Variants in PSMD3 observed in about 807,000 individuals in gnomAD.
The protein encoded by PSMD3 is 26S proteasome non-ATPase regulatory subunit 3.
In PSMD3, 5 loss-of-function variants were observed where a neutral mutation model predicts 62.8. The observed-to-expected ratio is 0.08, with a 90% CI of 0.04 to 0.17. PSMD3 has a LOEUF of 0.17. Among genes scored for constraint, PSMD3 ranks in the 10% least tolerant of loss-of-function variants. The pLI, the probability that PSMD3 is intolerant of heterozygous loss-of-function variation, is 1.00. For missense variants in PSMD3, 524 were observed against 713.6 expected (o/e 0.73, Z 3.03); for synonymous variants, 265 against 283.9 (o/e 0.93, Z 0.67).
chr17:39,990,232 T>TC, intron 6 of PSMD3, 35 bp downstream of exon 6: 5 of 1,394,424 alleles, frequency 3.6e-6, no homozygotes, highest in Non-Finnish European at 4.9e-6. Flanking sequence ...TTTGCCTCTT[T>TC]TTTTTTTTTT....
rs887517823 is a variant in PSMD3, at chr17:39,980,850, C to T, written c.-121C>T. On this transcript the variant is annotated 5_prime_UTR_variant, in exon 1 of 12. Transcript: ENST00000264639. ...AAGGGGTTTGCAGCTGCTCCGTCAT[C>T]GTGCGGCCCGACGCTATCTCGCGCT... 6.6e-6 allele frequency: 6 copies of T among 911,182 alleles called. No homozygotes were observed. The highest frequency in any genetic ancestry group is 3.1e-6 in the Non-Finnish European group (2 of 636,062). The allele number at this position is 911,182 out of a possible 1,614,324, so 56.4% of individuals were successfully genotyped here.
At chr17:39,984,589 G>A (rs1215536993) in intron 2 of PSMD3, 105 bp downstream of exon 2, 11 of 1,139,608 alleles carry the variant, frequency 9.7e-6, no homozygotes, top group Admixed American at 2.4e-5. Flanking sequence ...GTGGTAGCAT[G>A]AGGAGAGAAG....
rs1980474488 is a variant in PSMD3 at position 39,984,476 on chromosome 17, C to G, written c.403C>G (p.Leu135Val). ...NATRDFLLPF[L>V]EEPMDTEADL... ...CACTCGAGACTTTTTGCTCCCCTTCCTGGAAGAGGTGAGTGAGTCAGGCCA... is the reference window on the plus strand; with the variant it reads ...CACTCGAGACTTTTTGCTCCCCTTCGTGGAAGAGGTGAGTGAGTCAGGCCA... Residue 135 changes from leucine to valine, a missense_variant, in exon 2 of 12, where the codon CTG becomes GTG. Physicochemically the swap from Leu to Val is conservative, Grantham distance 32. Coordinates refer to ENST00000264639, the MANE Select transcript of PSMD3 (RefSeq NM_002809.4). 2 of 1,611,176 alleles carry G rather than the reference C, an allele frequency of 1.2e-6. No homozygotes were observed. Among genetic ancestry groups the G allele is most frequent in the Non-Finnish European group, 1.7e-6 (2 of 1,178,336 alleles).
intron 3 of PSMD3, among the ~76,000 whole-genome samples, chr17:39,987,846 G>T (rs933313500): frequency 2.6e-5 from 4 of 152,200 alleles, no homozygotes; most frequent in African/African-American, 9.7e-5. Flanking sequence ...GGTGGCTCAC[G>T]CCTGTAATCC....
intron 1 of PSMD3, among the ~76,000 whole-genome samples, chr17:39,983,000 T>C (rs557072043): frequency 1.9e-4 from 29 of 152,272 alleles, no homozygotes; most frequent in African/African-American, 6.0e-4. Flanking sequence ...ATTTACATTA[T>C]ACCAGGAGAA....
intron 6 of PSMD3, among the ~76,000 whole-genome samples, chr17:39,991,446 G>A (rs1203583210): frequency 1.3e-5 from 2 of 152,246 alleles, no homozygotes; most frequent in South Asian, 2.1e-4. Context: ...GTGAGCCACC[G>A]CTCCAGGCCA....
At position 39,996,409 on chromosome 17, in the gene PSMD3, C is replaced by T; in HGVS notation, c.1476+71C>T. The T allele has an allele frequency of 1.3e-6, 2 of 1,547,748 alleles. No individual in the cohort carries two copies. The highest frequency in any genetic ancestry group is 1.2e-5 in the South Asian group (1 of 84,834). On this transcript the variant is annotated intron_variant, in intron 10 of 11. Transcript: ENST00000264639. The surrounding 1 kb of genome is among the most constrained non-coding windows in gnomAD (Gnocchi z 5.1). ...CCTCCCTCCACACTCATGGATTCCT[C>T]AGAGAAGACTGGCTTAATTTGTGGC...
chr17:39,995,166 C>T lies in PSMD3; in HGVS notation c.1097-10C>T. The T allele has an allele frequency of 6.2e-7, 1 of 1,614,092 alleles. No homozygotes were observed. The highest frequency in any genetic ancestry group is 8.5e-7 in the Non-Finnish European group (1 of 1,179,980). Reference sequence around the variant, plus strand: ...TTGCATCATCCAATCTACTCCTGTTCTGCCTGCAGCTGTCAGGACAGGAAA... The same window carrying T: ...TTGCATCATCCAATCTACTCCTGTTTTGCCTGCAGCTGTCAGGACAGGAAA... On this transcript the variant is annotated splice_polypyrimidine_tract_variant and intron_variant, in intron 7 of 11. Transcript: ENST00000264639. The surrounding 1 kb of genome is among the most constrained non-coding windows in gnomAD (Gnocchi z 4.1).
chr17:39,997,934 TAAAC>T lies in PSMD3; in HGVS notation c.*356_*359del. 3.2e-6 allele frequency: 1 copy of T among 316,804 alleles called. No individual in the cohort carries two copies. The highest frequency in any genetic ancestry group is 6.9e-5 in the East Asian group (1 of 14,424). 19.6% of individuals were successfully genotyped at this position (316,804 alleles called of 1,614,324 possible). ...TTTTTGAAGCTTCGATTATGATTTTTAAACAATAAAAAGTTCTCCACAGTGCTTT... is the reference window on the plus strand; with the variant it reads ...TTTTTGAAGCTTCGATTATGATTTTTAATAAAAAGTTCTCCACAGTGCTTT... On this transcript the variant is annotated 3_prime_UTR_variant, in exon 12 of 12. Coordinates refer to ENST00000264639, the MANE Select transcript of PSMD3 (RefSeq NM_002809.4).
At position 39,996,864 on chromosome 17, in the gene PSMD3, TCTC is replaced by T. The variant is rs1181168044; in HGVS notation, c.1477-461_1477-459del. On this transcript the variant is annotated intron_variant, in intron 10 of 11. Transcript: ENST00000264639. This position sits in a 1 kb window ranked among gnomAD's most constrained non-coding sequence, Gnocchi z 5.1. ...ATTTGCTTGCCATGTTTTTTTCTGG[TCTC>T]CTCCGAGGAAACTAGGATATTGCTG... 6.7e-6 allele frequency: 3 copies of T among 446,850 alleles called. No homozygotes were observed. The highest frequency in any genetic ancestry group is 1.3e-5 in the Non-Finnish European group (3 of 224,164). 27.7% of individuals were successfully genotyped at this position (446,850 alleles called of 1,614,324 possible). A position where few individuals can be genotyped will look rare whatever the true frequency, so the allele number is the denominator to read the frequency against.
chr17:39,990,236 T>C, intron 6 of PSMD3, 39 bp downstream of exon 6: 1 of 1,511,244 alleles, frequency 6.6e-7, no homozygotes, highest in Non-Finnish European at 9.0e-7. Context: ...CCTCTTTTTT[T>C]TTTTTTTTTT....
At chr17:39,990,036 C>G (rs1277938860) in intron 5 of PSMD3, 58 bp from the exon 6 acceptor site, 12 of 1,594,176 alleles carry the variant, frequency 7.5e-6, no homozygotes, top group African/African-American at 1.3e-5. Flanking sequence ...CCTGGCTTGT[C>G]GGTGGGGAGT....
rs1980820750 is a variant in PSMD3 at position 39,997,737 on chromosome 17, C to T, written c.*156C>T. On this transcript the variant is annotated 3_prime_UTR_variant, in exon 12 of 12. Coordinates refer to ENST00000264639, the MANE Select transcript of PSMD3 (RefSeq NM_002809.4). Reference sequence around the variant, plus strand: ...GCTGGGAGCCAGCCACCCTGACCTCCCCCAGGGCTCCTCCCCAGCCGGTGA... The same window carrying T: ...GCTGGGAGCCAGCCACCCTGACCTCTCCCAGGGCTCCTCCCCAGCCGGTGA... The T allele has an allele frequency of 1.2e-6, 1 of 826,026 alleles. No individual in the cohort carries two copies. Among genetic ancestry groups the T allele is most frequent in the Non-Finnish European group, 1.9e-6 (1 of 524,864 alleles). The allele number at this position is 826,026 out of a possible 1,614,324, so 51.2% of individuals were successfully genotyped here. A position where few individuals can be genotyped will look rare whatever the true frequency, so the allele number is the denominator to read the frequency against.
In PSMD3 at chr17:39,997,825, G is replaced by A. The variant is rs1236916472; in HGVS notation, c.*244G>A. On this transcript the variant is annotated 3_prime_UTR_variant, in exon 12 of 12. Coordinates refer to ENST00000264639, the MANE Select transcript of PSMD3 (RefSeq NM_002809.4). ...TCCCCGGGCAGGGTCCTGGCCAGCA[G>A]TGTGGGAGCAGGAGGGGAAGGATAG... The A allele has an allele frequency of 5.2e-6, 3 of 576,446 alleles. No homozygotes were observed. The highest frequency in any genetic ancestry group is 9.3e-6 in the Non-Finnish European group (3 of 321,856). 35.7% of individuals were successfully genotyped at this position (576,446 alleles called of 1,614,324 possible).
In PSMD3 at chr17:39,997,349, A is replaced by T. The variant is rs772377036; in HGVS notation, c.1496A>T (p.Lys499Ile). The T allele has an allele frequency of 6.2e-7, 1 of 1,614,014 alleles. No individual in the cohort carries two copies. Among genetic ancestry groups the T allele is most frequent in the East Asian group, 2.2e-5 (1 of 44,890 alleles). Residue 499 changes from lysine to isoleucine, a missense_variant, in exon 11 of 12, where the codon AAA becomes ATA. By Grantham distance (102) the Lys-to-Ile change is moderately radical. Transcript: ENST00000264639. ...MSVKAMRFPPKSYNKDLESAE... is the reference protein window; with the variant it reads ...MSVKAMRFPPISYNKDLESAE... ...CCCCAGGCCATGAGGTTTCCTCCCA[A>T]ATCGTACAACAAGGACTTGGAGTCT... is the stretch of plus-strand genomic sequence containing the variant.
At chr17:39,990,658 G>A (rs1484927592) in intron 6 of PSMD3, among the ~76,000 whole-genome samples, 1 of 152,194 alleles carries the variant, frequency 6.6e-6, no homozygotes, top group Admixed American at 6.5e-5. Flanking sequence ...ACCTCTGGCA[G>A]TGGATATTCA....
chr17:39,990,941 T>C (rs1447386483), intron 6 of PSMD3, among the ~76,000 whole-genome samples: 3 of 152,148 alleles, frequency 2.0e-5, no homozygotes, highest in South Asian at 4.1e-4. Flanking sequence ...CTGTAAGGGA[T>C]AGGAAGGGAG....
chr17:39,984,275 C>A lies in PSMD3; in HGVS notation c.221-19C>A, dbSNP rs754203075. 7 of 1,517,998 alleles carry A rather than the reference C, an allele frequency of 4.6e-6. No individual in the cohort carries two copies. The highest frequency in any genetic ancestry group is 5.4e-6 in the Non-Finnish European group (6 of 1,119,436). 94.0% of individuals were successfully genotyped at this position (1,517,998 alleles called of 1,614,324 possible). ...CTAGGAGTGAAAGTGACATCATTTT[C>A]TTCTCTGCTCTTCTTCAGACATCAA... On this transcript the variant is annotated intron_variant, in intron 1 of 11. Transcript: ENST00000264639.
intron 3 of PSMD3, among the ~76,000 whole-genome samples, chr17:39,986,966 G>A (rs80033616): frequency 0.027 from 4,043 of 152,172 alleles, 198 homozygotes; most frequent in African/African-American, 0.093. Context: ...GTACATTCTT[G>A]GGGAAAAGTA....
Sources: allele counts gnomAD v4.1 joint callset (sites outside exome capture counted in the v4.1 genomes callset), GRCh38; gene constraint gnomAD v4.1.1; non-coding constraint Gnocchi (gnomAD v3.1); transcripts MANE v1.5; gene names NCBI Gene and HGNC (gene_info 2026-07-23, HGNC 2026-07-21).